The following ZNF451 variants were observed in gnomAD, a reference collection of about 807,000 sequenced individuals.
ZNF451 encodes zinc finger protein 451, also known as E3 SUMO-protein ligase ZNF451.
Under a neutral mutation model 107.1 loss-of-function variants are expected in ZNF451, and 80 were observed. That is an observed-to-expected ratio of 0.75 (90% CI 0.62 to 0.90). The LOEUF (loss-of-function observed/expected upper bound fraction) is 0.90. ZNF451 is among the 40% of genes least tolerant of loss of function. The probability of loss-of-function intolerance (pLI) is 0.00; values close to 1 mark genes in which losing one functional copy is unlikely to be tolerated. For missense variants in ZNF451, 1,107 were observed against 1,236.2 expected (o/e 0.90, Z 1.57); for synonymous variants, 362 against 406.5 (o/e 0.89, Z 1.32).
At chr6:57,106,421 C>T (rs1413668899) in intron 3 of ZNF451, 2 of 633,638 alleles carry the variant, frequency 3.2e-6, no homozygotes, top group Non-Finnish European at 2.0e-6. Context: ...GCAATTCTGT[C>T]TCAGCCTCCC....
chr6:57,090,419 G>A, intron 1 of ZNF451, 145 bp downstream of exon 1: 2 of 1,308,066 alleles, frequency 1.5e-6, no homozygotes, highest in Non-Finnish European at 2.0e-6. Flanking sequence ...TCTGGGGCCT[G>A]GTGCGTGTCT....
At chr6:57,105,457 T>C in intron 3 of ZNF451, 1 of 985,408 alleles carries the variant, frequency 1.0e-6, no homozygotes. Flanking sequence ...GTGGTATTTA[T>C]GTGAATTTTG....
At chr6:57,139,899 C>T (rs551731295) in intron 7 of ZNF451, among the ~76,000 whole-genome samples, 215 of 152,068 alleles carry the variant, frequency 1.4e-3, no homozygotes, top group African/African-American at 4.6e-3. Context: ...AAAAATTAGC[C>T]GGGTGTATTG....
chr6:57,102,637 G>A (rs978359166), intron 3 of ZNF451: 5 of 985,682 alleles, frequency 5.1e-6, no homozygotes, highest in African/African-American at 3.5e-5. Context: ...CCAAGAGTCC[G>A]TACTACTATC....
At chr6:57,155,173 TAAAACAA>T (rs968918496) in intron 13 of ZNF451, among the ~76,000 whole-genome samples, 7 of 151,980 alleles carry the variant, frequency 4.6e-5, no homozygotes, top group Non-Finnish European at 1.0e-4. Context: ...TCTTTTTTCT[TAAAACAA>T]AAAACAAAAA....
rs775062431 is a variant in ZNF451, at chr6:57,154,118, C to T, written c.3070+71C>T. On this transcript the variant is annotated intron_variant, in intron 13 of 14. Transcript: ENST00000370706. ...TTCACTGCTGAGAGAAACCAATAAA[C>T]TGCTGTCCGCTAGTGAACTGTTGCC... 6 of 1,450,204 alleles carry T rather than the reference C, an allele frequency of 4.1e-6. No homozygotes were observed. In the Admixed American group the frequency reaches 1.0e-4, roughly 25 times the overall value. The allele number at this position is 1,450,204 out of a possible 1,614,324, so 89.8% of individuals were successfully genotyped here.
chr6:57,098,727 T>C (rs1174001245), intron 2 of ZNF451, among the ~76,000 whole-genome samples: 1 of 152,202 alleles, frequency 6.6e-6, no homozygotes, highest in Non-Finnish European at 1.5e-5. Flanking sequence ...TAACAGACTT[T>C]TGATACCAAT....
intron 9 of ZNF451, 82 bp from the exon 10 acceptor site, chr6:57,147,008 A>G: frequency 1.5e-6 from 2 of 1,301,296 alleles, no homozygotes; most frequent in South Asian, 1.6e-5. Context: ...TGGTTATTTT[A>G]TAATTCCTGC....
At chr6:57,152,462 C>A in intron 12 of ZNF451, 111 bp downstream of exon 12, 1 of 1,234,636 alleles carries the variant, frequency 8.1e-7, no homozygotes, top group Non-Finnish European at 1.1e-6. Flanking sequence ...ACTTCAGGTT[C>A]TACCTATGAC....
intron 3 of ZNF451, chr6:57,100,834 T>A: frequency 6.5e-7 from 1 of 1,547,992 alleles, no homozygotes; most frequent in South Asian, 1.2e-5. Flanking sequence ...CCTTAAATCA[T>A]CACAGAATTT....
intron 13 of ZNF451, among the ~76,000 whole-genome samples, chr6:57,155,892 T>C (rs1763400541): frequency 6.6e-6 from 1 of 151,094 alleles, no homozygotes; most frequent in Admixed American, 6.6e-5. Flanking sequence ...GAGGCACATG[T>C]GTACTTTATT....
At chr6:57,136,964 G>T (rs1562614041) in intron 7 of ZNF451, among the ~76,000 whole-genome samples, 1 of 152,096 alleles carries the variant, frequency 6.6e-6, no homozygotes, top group Non-Finnish European at 1.5e-5. Flanking sequence ...ACAGACCTGG[G>T]TTCCACTGTT....
Position 57,141,422 on chromosome 6 carries a change from A to G in ZNF451, c.823A>G (p.Lys275Glu), listed in dbSNP as rs1381408316. The change falls in exon 8 of 15, where the codon AAG (lysine) becomes GAG (glutamate). Residue 275 changes from lysine to glutamate, a missense_variant. Transcript: ENST00000370706. ...KEECSKHMSG[K>E]NHFHQSFKLG... Reference sequence around the variant, plus strand: ...GGAGTGTTCAAAGCATATGTCTGGAAAGAATCATTTCCATCAGAGTTTCAA... The same window carrying G: ...GGAGTGTTCAAAGCATATGTCTGGAGAGAATCATTTCCATCAGAGTTTCAA... 6.2e-7 allele frequency: 1 copy of G among 1,612,730 alleles called. No individual in the cohort carries two copies. Among genetic ancestry groups the G allele is most frequent in the East Asian group, 2.2e-5 (1 of 44,754 alleles).
At chr6:57,108,660 A>T in intron 3 of ZNF451, 1 of 985,352 alleles carries the variant, frequency 1.0e-6, no homozygotes, top group Non-Finnish European at 1.2e-6. Context: ...ATCTTTCTTT[A>T]ATGGCTTGGA....
At position 57,090,273 on chromosome 6, in the gene ZNF451, A is replaced by C; in HGVS notation, c.20A>C (p.Glu7Ala). Residue 7 changes from glutamate to alanine, a missense_variant and splice_region_variant, in exon 1 of 15, where the codon GAG becomes GCG. Glu to Ala is a moderately radical substitution (Grantham distance 107). Transcript: ENST00000370706. ...GGAGACATGGGAGACCCGGGGTCGGAGGTGAGTAGTCGAGTGAGGGTCCTG... is the reference window on the plus strand; with the variant it reads ...GGAGACATGGGAGACCCGGGGTCGGCGGTGAGTAGTCGAGTGAGGGTCCTG... MGDPGSEIIESVPPAGP... is the reference protein window; with the variant it reads MGDPGSAIIESVPPAGP... 6.2e-7 allele frequency: 1 copy of C among 1,611,198 alleles called. No homozygotes were observed. Among genetic ancestry groups the C allele is most frequent in the Non-Finnish European group, 8.5e-7 (1 of 1,179,430 alleles).
chr6:57,095,978 C>T (rs1305544141), intron 2 of ZNF451, among the ~76,000 whole-genome samples: 1 of 151,828 alleles, frequency 6.6e-6, no homozygotes, highest in Non-Finnish European at 1.5e-5. Context: ...TGTACACCAC[C>T]ACGCCCAGCT....
chr6:57,105,403 C>G (rs1829805543), intron 3 of ZNF451: 2 of 985,070 alleles, frequency 2.0e-6, no homozygotes, highest in Non-Finnish European at 2.4e-6. Flanking sequence ...TAATTCTACA[C>G]TTTTCTTTAA....
chr6:57,141,477 C>T (rs1256767445), intron 8 of ZNF451, 22 bp downstream of exon 8: 1 of 1,580,220 alleles, frequency 6.3e-7, no homozygotes. Context: ...CTCTCTTCTG[C>T]TGAAAATTAA....
At chr6:57,159,186 TG>T (rs1763559743) in intron 13 of ZNF451, 1 of 985,256 alleles carries the variant, frequency 1.0e-6, no homozygotes, top group African/African-American at 1.7e-5. Context: ...GTTCTTCTGA[TG>T]GGGTTGATGG....
Sources: gnomAD v4.1 joint callset for allele counts (sites outside exome capture counted in the v4.1 genomes callset) on GRCh38, gnomAD v4.1.1 for gene constraint, MANE v1.5 for transcripts, NCBI Gene and HGNC (gene_info 2026-07-23, HGNC 2026-07-21) for gene names.